The following PACS2 variants were observed in gnomAD, a reference collection of about 807,000 sequenced individuals.
PACS2 encodes PACS1-like protein.
Under a neutral mutation model 113.0 loss-of-function variants are expected in PACS2, and 36 were observed. The observed-to-expected ratio is 0.32, with a 90% confidence interval of 0.24 to 0.42. The LOEUF (loss-of-function observed/expected upper bound fraction) is 0.42. Ranked by LOEUF, PACS2 falls within the 10% of genes least tolerant of loss-of-function variation. The pLI, the probability that PACS2 is intolerant of heterozygous loss-of-function variation, is 1.00. For missense variants in PACS2, 1,015 were observed against 1,239.5 expected, an observed-to-expected ratio of 0.82 and a Z score of 2.72; for synonymous variants, 589 against 536.1, an observed-to-expected ratio of 1.10 and a Z score of -1.36.
intron 22 of PACS2, chr14:105,392,162 G>T: frequency 3.0e-6 from 1 of 330,210 alleles, no homozygotes; most frequent in Non-Finnish European, 5.6e-6. Flanking sequence ...GGTCTCTCCG[G>T]AGCAGACCTC....
At position 105,358,804 on chromosome 14, in the gene PACS2, C is replaced by T. The variant is rs980710844; in HGVS notation, c.423+3627C>T. On this transcript the variant is annotated intron_variant, in intron 4 of 24. Transcript: ENST00000447393. The surrounding 1 kb of genome is among the most constrained non-coding windows in gnomAD (Gnocchi z 4.9). ...CGGCTCATGGTGGGACACAGGAAGA[C>T]CTCAGGGTAAGGACAGCGCGGGAGC... Among the ~76,000 whole-genome samples, 4 of 152,194 alleles carry T rather than the reference C, an allele frequency of 2.6e-5. No individual in the cohort carries two copies. Among genetic ancestry groups the T allele is most frequent in the Non-Finnish European group, 5.9e-5 (4 of 68,028 alleles).
intron 19 of PACS2, 199 bp from the exon 20 acceptor site, chr14:105,389,762 G>A (rs1337912804): frequency 1.3e-5 from 8 of 623,772 alleles, no homozygotes; most frequent in Non-Finnish European, 2.0e-5. Flanking sequence ...CCAGGCGTTG[G>A]TCCTGGGGGC....
At chr14:105,310,599 T>C (rs1279533577), upstream of PACS2, among the ~76,000 whole-genome samples, 1 of 149,256 alleles carries the variant, frequency 6.7e-6, no homozygotes, top group Non-Finnish European at 1.5e-5. Context: ...ACAAAGATCA[T>C]CCTCAATAGT....
At chr14:105,379,590 G>T in intron 9 of PACS2, 149 bp from the exon 10 acceptor site, 2 of 651,342 alleles carry the variant, frequency 3.1e-6, no homozygotes, top group South Asian at 3.5e-5. Flanking sequence ...AGCGGGGTGT[G>T]CGCTGACACG....
intron 1 of PACS2, among the ~76,000 whole-genome samples, chr14:105,327,397 G>C (rs587734305): frequency 1.3e-5 from 2 of 152,302 alleles, no homozygotes; most frequent in East Asian, 3.9e-4. Context: ...GGGGACCTTG[G>C]CTCCCGTGGA....
intron 6 of PACS2, 107 bp downstream of exon 6, chr14:105,368,254 C>A: frequency 3.3e-6 from 3 of 904,106 alleles, no homozygotes; most frequent in South Asian, 1.4e-5. Flanking sequence ...GGTGGGTGAG[C>A]CACGGGCCTG....
At chr14:105,342,804 G>A (rs1389722143) in intron 1 of PACS2, among the ~76,000 whole-genome samples, 1 of 151,622 alleles carries the variant, frequency 6.6e-6, no homozygotes, top group Admixed American at 6.6e-5. Context: ...GTGTGGTGGT[G>A]CACGCCTGTA....
chr14:105,368,616 G>A (rs1242634508), intron 7 of PACS2, 77 bp downstream of exon 7: 11 of 1,115,464 alleles, frequency 9.9e-6, no homozygotes, highest in South Asian at 1.2e-5. Context: ...GCGTGGGGGG[G>A]ACACGGGCGT....
At chr14:105,382,309 C>G (rs1180890933) in intron 13 of PACS2, among the ~76,000 whole-genome samples, 168 bp from the exon 14 acceptor site, 1 of 152,208 alleles carries the variant, frequency 6.6e-6, no homozygotes, top group East Asian at 1.9e-4. Flanking sequence ...AGCCTCATTG[C>G]TTGGCTGATT....
chr14:105,380,207 C>A, intron 11 of PACS2, 53 bp downstream of exon 11: 2 of 1,449,896 alleles, frequency 1.4e-6, no homozygotes, highest in Non-Finnish European at 1.9e-6. Flanking sequence ...CACACCAATG[C>A]TGCCTTTAAG....
chr14:105,345,713 A>G (rs2059897641), intron 1 of PACS2, among the ~76,000 whole-genome samples: 1 of 152,192 alleles, frequency 6.6e-6, no homozygotes, highest in African/African-American at 2.4e-5. Flanking sequence ...GTATGATATC[A>G]GCTCTTTTGT....
intron 12 of PACS2, 135 bp from the exon 13 acceptor site, chr14:105,381,779 G>C: frequency 1.3e-6 from 1 of 767,316 alleles, no homozygotes; most frequent in Non-Finnish European, 2.1e-6. Flanking sequence ...TGTTCCCACT[G>C]CCCATCAGTC....
chr14:105,302,570 TC>T lies in PACS2; in HGVS notation c.-83+1594del, dbSNP rs200977462. 7.9e-3 allele frequency among the ~76,000 whole-genome samples: 1,206 copies of T among 152,122 alleles called. 50 individuals are homozygous for T. The highest frequency in any genetic ancestry group is 0.06 in the Admixed American group (917 of 15,252). On this transcript the variant is annotated intron_variant, in intron 1 of 23. Transcript: ENST00000430725. Reference sequence around the variant, plus strand: ...TTCCACTTAATTTGGTTCAATGTGTTCCCTTTTTCTAGTTTCTTCATTTTTT... The same window carrying T: ...TTCCACTTAATTTGGTTCAATGTGTTCCTTTTTCTAGTTTCTTCATTTTTT...
rs142549614 is a variant in PACS2 at position 105,331,845 on chromosome 14, G to C, written c.120-16648G>C. Among the ~76,000 whole-genome samples, 683 of 152,312 alleles carry C rather than the reference G, an allele frequency of 4.5e-3. 9 individuals carry two copies. Among genetic ancestry groups the C allele is most frequent in the African/African-American group, 0.015 (626 of 41,576 alleles). ...AGCACATCCTTCAGAAGCTCTTTCA[G>C]TCTTTCAGTGCCTGAAGATGGCGTT... is the stretch of plus-strand genomic sequence containing the variant. On this transcript the variant is annotated intron_variant, in intron 1 of 24. Transcript: ENST00000447393.
rs782316941 is a variant in PACS2, at chr14:105,393,342, A to C, written c.2596+7A>C. The C allele has an allele frequency of 6.3e-7, 1 of 1,597,528 alleles. No homozygotes were observed. Among genetic ancestry groups the C allele is most frequent in the Non-Finnish European group, 8.6e-7 (1 of 1,169,572 alleles). On this transcript the variant is annotated splice_region_variant and intron_variant, in intron 24 of 24. Transcript: ENST00000447393. ...CAGCAGAACATGCTGCGGGGTGAGC[A>C]CCACCGGCCCCGGGGTCTGTAGAGT...
intron 18 of PACS2, 150 bp from the exon 19 acceptor site, chr14:105,385,535 C>A (rs894001835): frequency 1.3e-5 from 7 of 542,692 alleles, no homozygotes; most frequent in Non-Finnish European, 2.3e-5. Context: ...GGGAGAGAGC[C>A]GAGTGCAAGG....
chr14:105,352,322 TG>T, intron 2 of PACS2, 55 bp from the exon 3 acceptor site: 1 of 1,156,198 alleles, frequency 8.6e-7, no homozygotes, highest in Non-Finnish European at 1.3e-6. Flanking sequence ...TGTCTTTGCC[TG>T]GTTTCCTGCT....
Position 105,385,645 on chromosome 14 carries a change from G to A in PACS2, c.2001-40G>A, listed in dbSNP as rs782075153. ...TCCCTGGAGGGGTCCTGAGGGCGTC[G>A]TAACGTGTCTGTTTTCTCTTTTGGT... On this transcript the variant is annotated intron_variant, in intron 18 of 24. Coordinates refer to ENST00000447393, the MANE Select transcript of PACS2 (RefSeq NM_001100913.3). 1.2e-4 allele frequency: 177 copies of A among 1,479,930 alleles called. 11 individuals are homozygous for A. In the Middle Eastern group the frequency reaches 0.019, roughly 162 times the overall value. The allele number at this position is 1,479,930 out of a possible 1,614,324, so 91.7% of individuals were successfully genotyped here.
At chr14:105,305,790 G>A (rs891643186) in intron 1 of PACS2, among the ~76,000 whole-genome samples, 22 of 152,226 alleles carry the variant, frequency 1.4e-4, no homozygotes, top group Non-Finnish European at 2.2e-4. Context: ...AAGCAAGGGC[G>A]GCCAAGGGGC....
Sources: gnomAD v4.1 joint callset for allele counts (sites outside exome capture counted in the v4.1 genomes callset) on GRCh38, gnomAD v4.1.1 for gene constraint, Gnocchi (gnomAD v3.1) non-coding constraint, MANE v1.5 for transcripts, NCBI Gene and HGNC (gene_info 2026-07-23, HGNC 2026-07-21) for gene names.